Variants in CHUK observed in about 807,000 individuals in gnomAD.
CHUK encodes inhibitor of nuclear factor kappa-B kinase subunit alpha.
A neutral mutation model predicts 104.8 loss-of-function variants in CHUK; 35 were observed. That is an observed-to-expected ratio of 0.33 (90% CI 0.26 to 0.44). The LOEUF (loss-of-function observed/expected upper bound fraction) is 0.44. CHUK is among the 20% of genes least tolerant of loss of function. The pLI is 1.00. For missense variants in CHUK, 663 were observed against 902.7 expected, an observed-to-expected ratio of 0.73 and a Z score of 3.40; for synonymous variants, 276 against 291.9, an observed-to-expected ratio of 0.95 and a Z score of 0.56.
intron 9 of CHUK, among the ~76,000 whole-genome samples, chr10:100,213,312 C>G (rs955101885): frequency 6.6e-6 from 1 of 152,018 alleles, no homozygotes; most frequent in Non-Finnish European, 1.5e-5. Flanking sequence ...AAAACCCTGT[C>G]TCTACTAAAA....
chr10:100,221,591 A>G (rs942059969), intron 4 of CHUK, among the ~76,000 whole-genome samples: 5 of 152,148 alleles, frequency 3.3e-5, no homozygotes, highest in African/African-American at 9.7e-5. Context: ...AACATCTATT[A>G]GACAAAAAAA....
At chr10:100,208,030 A>G (rs564883155) in intron 10 of CHUK, among the ~76,000 whole-genome samples, 1 of 152,320 alleles carries the variant, frequency 6.6e-6, no homozygotes, top group African/African-American at 2.4e-5. Flanking sequence ...ATATTTTACC[A>G]CCCATTTATC....
At chr10:100,186,731 A>T (rs1374288719), downstream of CHUK, 1 of 152,246 alleles carries the variant, frequency 6.6e-6, no homozygotes, top group African/African-American at 2.4e-5. Flanking sequence ...ATGGGCACAT[A>T]TTGCCAAAAA....
chr10:100,198,301 CACTTTATGAGT>C (rs975796302), intron 16 of CHUK, among the ~76,000 whole-genome samples: 3 of 152,146 alleles, frequency 2.0e-5, no homozygotes, highest in African/African-American at 7.2e-5. Context: ...ATAGAAGAAA[CACTTTATGAGT>C]ACTTCCCATT....
intron 19 of CHUK, 75 bp from the exon 20 acceptor site, chr10:100,191,043 T>C: frequency 1.1e-6 from 1 of 910,720 alleles, no homozygotes; most frequent in Non-Finnish European, 1.8e-6. Context: ...TCTAGTCTTC[T>C]AGGTTAGCAA....
At chr10:100,213,341 G>A (rs1042029976) in intron 9 of CHUK, among the ~76,000 whole-genome samples, 9 of 151,948 alleles carry the variant, frequency 5.9e-5, no homozygotes, top group Non-Finnish European at 1.5e-5. Flanking sequence ...AAAATTAGTT[G>A]GCCATGATGG....
At position 100,194,578 on chromosome 10, in the gene CHUK, A is replaced by G. The variant is rs17881437; in HGVS notation, c.1730-57T>C. The G allele has an allele frequency of 2.6e-3, 3,091 of 1,167,500 alleles. 74 individuals are homozygous for G. In the African/African-American group the frequency reaches 0.041, roughly 15 times the overall value. The allele number at this position is 1,167,500 out of a possible 1,614,324, so 72.3% of individuals were successfully genotyped here. On this transcript the variant is annotated intron_variant, in intron 16 of 20. Transcript: ENST00000370397. ...TTTCTTCTGTAACATATCAGCCTCC[A>G]AACAAAAAATTCCTCAAAAATCCCT... is the stretch of plus-strand genomic sequence containing the variant.
intron 1 of CHUK, among the ~76,000 whole-genome samples, chr10:100,226,342 G>A (rs773991719): frequency 6.6e-6 from 1 of 152,134 alleles, no homozygotes; most frequent in Non-Finnish European, 1.5e-5. Context: ...CCCTTTCAGA[G>A]CTTAATCAAG....
chr10:100,228,987 GCGCGCGCACA>G (rs1187693606), intron 1 of CHUK, among the ~76,000 whole-genome samples: 30 of 84,790 alleles, frequency 3.5e-4, no homozygotes, highest in African/African-American at 1.0e-3. Context: ...GCGCGCGCGC[GCGCGCGCACA>G]CACACACACA....
At chr10:100,193,502 A>C (rs1321149037) in intron 18 of CHUK, 71 bp from the exon 19 acceptor site, 5 of 1,569,088 alleles carry the variant, frequency 3.2e-6, no homozygotes, top group Non-Finnish European at 4.4e-6. Context: ...ATTTCTTATC[A>C]TATTCCTAAG....
At chr10:100,200,639 T>C (rs192768406) in intron 15 of CHUK, 32 bp downstream of exon 15, 1,685 of 980,802 alleles carry the variant, frequency 1.7e-3, no homozygotes, top group Non-Finnish European at 2.3e-3. Context: ...ATATTACAGA[T>C]GTCAAGACCA....
intron 14 of CHUK, 97 bp from the exon 15 acceptor site, chr10:100,200,877 T>C: frequency 1.3e-6 from 1 of 745,506 alleles, no homozygotes. Flanking sequence ...ACTTGCTGCT[T>C]CATTAGAGAA....
intron 1 of CHUK, among the ~76,000 whole-genome samples, chr10:100,228,216 G>A (rs753763575): frequency 6.6e-6 from 1 of 152,194 alleles, no homozygotes; most frequent in Admixed American, 6.5e-5. Context: ...CTATATTACA[G>A]GAATTATTAG....
At position 100,226,326 on chromosome 10, in the gene CHUK, G is replaced by A. The variant is rs563037901; in HGVS notation, c.106-309C>T. 3.3e-5 allele frequency among the ~76,000 whole-genome samples: 5 copies of A among 152,170 alleles called. No individual in the cohort carries two copies. The East Asian group carries it at 7.7e-4, about 23-fold the overall frequency. On this transcript the variant is annotated intron_variant, in intron 1 of 20. Coordinates refer to ENST00000370397, the MANE Select transcript of CHUK (RefSeq NM_001278.5). ...GAAAAAAAAAGATCCTGTCTCCTCAGCAAACCCCTTTCAGAGCTTAATCAA... is the reference window on the plus strand; with the variant it reads ...GAAAAAAAAAGATCCTGTCTCCTCAACAAACCCCTTTCAGAGCTTAATCAA...
At chr10:100,212,478 A>T (rs1183339746) in intron 9 of CHUK, among the ~76,000 whole-genome samples, 1 of 152,102 alleles carries the variant, frequency 6.6e-6, no homozygotes, top group Non-Finnish European at 1.5e-5. Flanking sequence ...GCACATTTTT[A>T]AATTGGGTTA....
chr10:100,217,957 CA>C, intron 9 of CHUK, 37 bp downstream of exon 9: 2 of 1,588,720 alleles, frequency 1.3e-6, no homozygotes, highest in Non-Finnish European at 1.7e-6. Context: ...TTGTTACTTT[CA>C]ATGCTGGTCT....
chr10:100,224,524 C>T (rs377298751), intron 2 of CHUK, among the ~76,000 whole-genome samples: 4 of 152,008 alleles, frequency 2.6e-5, no homozygotes, highest in African/African-American at 9.7e-5. Flanking sequence ...GCAACCTCCG[C>T]CTCCCGGGTT....
In CHUK at chr10:100,218,144, A is replaced by G. The variant is rs1394969733; in HGVS notation, c.798-14T>C. 1.9e-6 allele frequency: 3 copies of G among 1,603,158 alleles called. No individual in the cohort carries two copies. The highest frequency in any genetic ancestry group is 2.6e-6 in the Non-Finnish European group (3 of 1,170,118). On this transcript the variant is annotated splice_polypyrimidine_tract_variant and intron_variant, in intron 8 of 20. Transcript: ENST00000370397. ...TCTACTACTAAACTAGAAAACATAC[A>G]AAATAGGGTGAAAATCAAATCATTA...
rs1375417226 is a variant in CHUK at position 100,218,499 on chromosome 10, C to T, written c.797+219G>A. On this transcript the variant is annotated intron_variant, in intron 8 of 20. Transcript: ENST00000370397. The stretch of plus-strand genomic sequence containing the variant: ...AATGGTAGCCACTAGTCCCAAGTGG[C>T]TATTTATATTTACTATTTATTCAAA... 2.6e-5 allele frequency among the ~76,000 whole-genome samples: 4 copies of T among 152,184 alleles called. No homozygotes were observed. The East Asian group carries it at 7.7e-4, about 29-fold the overall frequency.
Sources: allele counts gnomAD v4.1 joint callset (sites outside exome capture counted in the v4.1 genomes callset), GRCh38; gene constraint gnomAD v4.1.1; transcripts MANE v1.5; gene names NCBI Gene and HGNC (gene_info 2026-07-23, HGNC 2026-07-21).